Variants in CTNNBL1 observed in about 807,000 individuals in gnomAD.
CTNNBL1 encodes the protein beta-catenin-like protein 1.
Under a neutral mutation model 72.7 loss-of-function variants are expected in CTNNBL1, and 31 were observed. The ratio of observed to expected loss-of-function variants is 0.43; its 90% CI spans 0.32 to 0.58. CTNNBL1 has a LOEUF of 0.58. Among genes scored for constraint, CTNNBL1 ranks in the 20% least tolerant of loss-of-function variants. CTNNBL1 has a pLI of 0.08. For missense variants in CTNNBL1, 534 were observed against 725.1 expected (o/e 0.74, Z 3.03); for synonymous variants, 240 against 267.3 (o/e 0.90, Z 1.00).
At chr20:37,783,227 A>G (rs1600485037) in intron 10 of CTNNBL1, among the ~76,000 whole-genome samples, 1 of 151,892 alleles carries the variant, frequency 6.6e-6, no homozygotes, top group South Asian at 2.1e-4. Context: ...CTCCTTTTTC[A>G]TTTCCGGTTT....
At chr20:37,748,310 G>A (rs1434212009) in intron 4 of CTNNBL1, among the ~76,000 whole-genome samples, 1 of 152,210 alleles carries the variant, frequency 6.6e-6, no homozygotes, top group African/African-American at 2.4e-5. Context: ...GATGCTTCAT[G>A]TAATGTTAGA....
intron 1 of CTNNBL1, among the ~76,000 whole-genome samples, chr20:37,716,019 A>G (rs2072983602): frequency 6.6e-6 from 1 of 152,014 alleles, no homozygotes; most frequent in Non-Finnish European, 1.5e-5. Flanking sequence ...AAAGGCAACC[A>G]GTTCTTAAGT....
At chr20:37,817,026 A>G (rs964746322) in intron 11 of CTNNBL1, among the ~76,000 whole-genome samples, 2 of 152,196 alleles carry the variant, frequency 1.3e-5, no homozygotes, top group African/African-American at 4.8e-5. Context: ...CAGGGTATAC[A>G]TGATGTCATT....
intron 5 of CTNNBL1, among the ~76,000 whole-genome samples, 153 bp downstream of exon 5, chr20:37,757,809 A>ATGTGGCTGGGGCAGTGCTTTATGCT (rs1486569657): frequency 3.3e-5 from 5 of 152,078 alleles, no homozygotes; most frequent in Non-Finnish European, 7.4e-5. Flanking sequence ...AAAAGTAGAG[A>ATGTGGCTGGGGCAGTGCTTTATGCT]TGTGGCTGGG....
At chr20:37,752,323 C>T (rs1234980508) in intron 4 of CTNNBL1, among the ~76,000 whole-genome samples, 1 of 152,098 alleles carries the variant, frequency 6.6e-6, no homozygotes, top group Admixed American at 6.6e-5. Context: ...GGCTTTGTGC[C>T]AGCTGCTTTA....
chr20:37,765,510 A>G (rs536525318), intron 6 of CTNNBL1, among the ~76,000 whole-genome samples: 4 of 152,346 alleles, frequency 2.6e-5, no homozygotes, highest in East Asian at 3.9e-4. Flanking sequence ...TCCACTAAGT[A>G]GGTAACCTTC....
intron 7 of CTNNBL1, among the ~76,000 whole-genome samples, chr20:37,774,581 G>A (rs2073557765): frequency 6.6e-6 from 1 of 152,158 alleles, no homozygotes; most frequent in African/African-American, 2.4e-5. Context: ...ACTTACTTTG[G>A]TTAAATTGGA....
chr20:37,732,770 A>G, intron 1 of CTNNBL1, 109 bp from the exon 2 acceptor site: 1 of 936,792 alleles, frequency 1.1e-6, no homozygotes, highest in Non-Finnish European at 1.6e-6. Context: ...TGGGCTCAAG[A>G]GATCTGCCTG....
intron 3 of CTNNBL1, among the ~76,000 whole-genome samples, chr20:37,739,872 C>T (rs1035839915): frequency 8.5e-5 from 13 of 152,184 alleles, no homozygotes; most frequent in Admixed American, 8.5e-4. Context: ...ATCCCCATTG[C>T]TTGAACCTAA....
At chr20:37,856,724 C>T (rs191374106) in intron 13 of CTNNBL1, among the ~76,000 whole-genome samples, 27 of 152,302 alleles carry the variant, frequency 1.8e-4, no homozygotes, top group Admixed American at 1.7e-3. Flanking sequence ...GACGCCCTTA[C>T]ATTTCACCCA....
At chr20:37,864,049 C>T (rs765054430) in intron 15 of CTNNBL1, among the ~76,000 whole-genome samples, 1 of 152,096 alleles carries the variant, frequency 6.6e-6, no homozygotes, top group Non-Finnish European at 1.5e-5. Context: ...CTGCAAGGAC[C>T]CTGAGGAGCC....
In CTNNBL1 at chr20:37,777,406, A is replaced by G; in HGVS notation, c.812A>G (p.Gln271Arg). 1.2e-6 allele frequency: 2 copies of G among 1,613,882 alleles called. No homozygotes were observed. The highest frequency in any genetic ancestry group is 1.7e-6 in the Non-Finnish European group (2 of 1,179,768). Residue 271 changes from glutamine to arginine, a missense_variant, in exon 8 of 16, where the codon CAG (glutamine) becomes CGG (arginine). Physicochemically the swap from Gln to Arg is conservative, Grantham distance 43. Coordinates refer to ENST00000361383, the MANE Select transcript of CTNNBL1 (RefSeq NM_030877.5). ...YCSEVLAILL[Q>R]DNDENRELLG... is the part of the protein sequence containing the mutation. Reference sequence around the variant, plus strand: ...AGTGAAGTGCTGGCCATATTGCTCCAGGACAATGATGGTGAGGCGCCCTCT... The same window carrying G: ...AGTGAAGTGCTGGCCATATTGCTCCGGGACAATGATGGTGAGGCGCCCTCT...
At chr20:37,824,799 A>G (rs1473115598) in intron 11 of CTNNBL1, among the ~76,000 whole-genome samples, 1 of 152,170 alleles carries the variant, frequency 6.6e-6, no homozygotes, top group Non-Finnish European at 1.5e-5. Flanking sequence ...TCTATTTTCA[A>G]GATTGCCTCA....
At chr20:37,736,935 G>C (rs2073176332) in intron 2 of CTNNBL1, among the ~76,000 whole-genome samples, 1 of 152,184 alleles carries the variant, frequency 6.6e-6, no homozygotes, top group Non-Finnish European at 1.5e-5. Flanking sequence ...GATAAAGTGT[G>C]TACTGTGGCC....
At chr20:37,767,569 G>A (rs1568771218) in intron 6 of CTNNBL1, among the ~76,000 whole-genome samples, 1 of 152,198 alleles carries the variant, frequency 6.6e-6, no homozygotes, top group Non-Finnish European at 1.5e-5. Flanking sequence ...CAGACCCTGA[G>A]TTTTCCCTAA....
chr20:37,722,516 A>G (rs1319436270), intron 1 of CTNNBL1, among the ~76,000 whole-genome samples: 1 of 150,052 alleles, frequency 6.7e-6, no homozygotes, highest in African/African-American at 2.5e-5. Context: ...AAATAAATAA[A>G]TAAATAAAGT....
At position 37,860,401 on chromosome 20, in the gene CTNNBL1, CT is replaced by C. The variant is rs1047582405; in HGVS notation, c.1603+58del. 1.4e-4 allele frequency: 182 copies of C among 1,343,466 alleles called. No individual in the cohort carries two copies. The African/African-American group carries it at 2.4e-3, about 18-fold the overall frequency. The allele number at this position is 1,343,466 out of a possible 1,614,324, so 83.2% of individuals were successfully genotyped here. A position where few individuals can be genotyped will look rare whatever the true frequency, so the allele number is the denominator to read the frequency against. Reference sequence around the variant, plus strand: ...CAGAGGATTAGATGATGCTTACTTTCTGAGCCTCTGTCAGTATCCCTGGTAT... The same window carrying C: ...CAGAGGATTAGATGATGCTTACTTTCGAGCCTCTGTCAGTATCCCTGGTAT... On this transcript the variant is annotated intron_variant, in intron 15 of 15. Transcript: ENST00000361383.
In CTNNBL1 at chr20:37,815,993, T is replaced by G. The variant is rs2072055217; in HGVS notation, c.1213+12945T>G. Among the ~76,000 whole-genome samples the G allele has an allele frequency of 3.3e-5, 5 of 152,356 alleles. No homozygotes were observed. The South Asian group carries it at 1.0e-3, about 32-fold the overall frequency. Reference sequence around the variant, plus strand: ...TTGCTGGGGAAATGCTCTGTGTATTTAATCATCTTGCAGTCTTACTTGTTT... The same window carrying G: ...TTGCTGGGGAAATGCTCTGTGTATTGAATCATCTTGCAGTCTTACTTGTTT... On this transcript the variant is annotated intron_variant, in intron 11 of 15. Coordinates refer to ENST00000361383, the MANE Select transcript of CTNNBL1 (RefSeq NM_030877.5).
rs149926077 is a variant in CTNNBL1 at position 37,796,250 on chromosome 20, T to A, written c.1032-6617T>A. Among the ~76,000 whole-genome samples the A allele has an allele frequency of 2.7e-3, 406 of 152,278 alleles. 4 individuals carry two copies. The highest frequency in any genetic ancestry group is 0.01 in the Middle Eastern group (3 of 294). ...TCCTCACATGCTTGCGCTTGTCAGTTCTGGAGACTGGAAGGGGCCCTCTGC... is the reference window on the plus strand; with the variant it reads ...TCCTCACATGCTTGCGCTTGTCAGTACTGGAGACTGGAAGGGGCCCTCTGC... On this transcript the variant is annotated intron_variant, in intron 10 of 15. Transcript: ENST00000361383.
Sources: gnomAD v4.1 joint callset for allele counts (sites outside exome capture counted in the v4.1 genomes callset) on GRCh38, gnomAD v4.1.1 for gene constraint, MANE v1.5 for transcripts, NCBI Gene and HGNC (gene_info 2026-07-23, HGNC 2026-07-21) for gene names.